Variants in EYS observed in about 807,000 individuals in gnomAD.
The protein encoded by EYS is EGF-like photoreceptor maintenance factor.
In EYS, 250 loss-of-function variants were observed where a neutral mutation model predicts 282.1. The ratio of observed to expected loss-of-function variants is 0.89; its 90% confidence interval spans 0.80 to 0.98. The LOEUF (loss-of-function observed/expected upper bound fraction) is 0.98, where lower values mean the gene tolerates loss of function less well. EYS is among the 50% of genes least tolerant of loss of function. The probability of loss-of-function intolerance (pLI) is 0.00; values close to 1 mark genes in which losing one functional copy is unlikely to be tolerated. For synonymous variants in EYS, 1,355 were observed against 1,282.9 expected (o/e 1.06, Z -1.20); for missense variants, 4,016 against 3,709.0 (o/e 1.08, Z -2.15).
intron 16 of EYS, 65 bp from the exon 17 acceptor site, chr6:64,902,565 A>C: frequency 3.2e-6 from 3 of 940,942 alleles, no homozygotes; most frequent in Non-Finnish European, 4.7e-6. Context: ...AATCAGAATC[A>C]GTGGTAGTCT....
chr6:65,588,864 A>G (rs1765141624), intron 2 of EYS, among the ~76,000 whole-genome samples: 1 of 150,852 alleles, frequency 6.6e-6, no homozygotes, highest in Non-Finnish European at 1.5e-5. Flanking sequence ...TGATATATTA[A>G]TAGGATATAT....
intron 24 of EYS, among the ~76,000 whole-genome samples, chr6:64,598,561 C>T (rs1204728241): frequency 1.3e-5 from 2 of 152,146 alleles, no homozygotes; most frequent in East Asian, 3.9e-4. Context: ...CTTTCTGAAT[C>T]TATGTTTGAG....
intron 31 of EYS, among the ~76,000 whole-genome samples, chr6:64,222,931 TAC>T (rs1766145773): frequency 6.6e-6 from 1 of 151,828 alleles, no homozygotes; most frequent in African/African-American, 2.4e-5. Context: ...TATCGGTACT[TAC>T]AGTTTTCCTT....
intron 2 of EYS, among the ~76,000 whole-genome samples, chr6:65,573,105 G>C (rs955730534): frequency 6.6e-6 from 1 of 152,078 alleles, no homozygotes; most frequent in South Asian, 2.1e-4. Context: ...CCTTGGGAGT[G>C]ATGTCACAAA....
chr6:64,356,608 G>T (rs1436825036), intron 29 of EYS, among the ~76,000 whole-genome samples: 1 of 151,594 alleles, frequency 6.6e-6, no homozygotes, highest in Non-Finnish European at 1.5e-5. Flanking sequence ...TCTTTTAACT[G>T]TCAGCCCTTT....
intron 24 of EYS, among the ~76,000 whole-genome samples, chr6:64,597,066 AT>A (rs547000291): frequency 6.6e-6 from 1 of 152,160 alleles, no homozygotes; most frequent in African/African-American, 2.4e-5. Context: ...ATGAATAGGC[AT>A]TTTTTTCAAA....
At chr6:64,323,368 T>C (rs182795773) in intron 29 of EYS, among the ~76,000 whole-genome samples, 174 of 152,296 alleles carry the variant, frequency 1.1e-3, no homozygotes, top group African/African-American at 4.1e-3. Flanking sequence ...CCCCTTTTAA[T>C]TGCCGAATAA....
chr6:64,128,233 T>C (rs940755086), intron 31 of EYS, among the ~76,000 whole-genome samples: 4 of 152,176 alleles, frequency 2.6e-5, no homozygotes, highest in African/African-American at 9.6e-5. Flanking sequence ...ATTGCATTTC[T>C]AAAAATAATA....
At chr6:64,313,472 CAGG>C (rs1769811428) in intron 29 of EYS, among the ~76,000 whole-genome samples, 1 of 151,982 alleles carries the variant, frequency 6.6e-6, no homozygotes, top group Non-Finnish European at 1.5e-5. Flanking sequence ...GGATATTATC[CAGG>C]AGAACTTCCC....
In EYS at chr6:65,461,073, T is replaced by A. The variant is rs187483889; in HGVS notation, c.862+29521A>T. The stretch of plus-strand genomic sequence containing the variant: ...ATTATGATTCTCTATTCAGAAATTG[T>A]ATTACTCAATTGATGTGATTGATTG... On this transcript the variant is annotated intron_variant, in intron 5 of 42. Transcript: ENST00000503581. 3.5e-3 allele frequency among the ~76,000 whole-genome samples: 531 copies of A among 152,234 alleles called. 2 individuals carry two copies. Among genetic ancestry groups the A allele is most frequent in the African/African-American group, 0.012 (500 of 41,554 alleles).
At chr6:64,416,372 T>A (rs913977306) in intron 28 of EYS, among the ~76,000 whole-genome samples, 2 of 152,202 alleles carry the variant, frequency 1.3e-5, no homozygotes, top group African/African-American at 4.8e-5. Flanking sequence ...TTTTCTAGTC[T>A]CATCTATGGC....
chr6:63,889,832 G>A (rs1773362238), intron 35 of EYS, among the ~76,000 whole-genome samples: 1 of 152,084 alleles, frequency 6.6e-6, no homozygotes, highest in South Asian at 2.1e-4. Context: ...CTTGCAAATT[G>A]GATTAAGAGT....
intron 37 of EYS, among the ~76,000 whole-genome samples, chr6:63,798,979 ATATGTGTG>A (rs1225534464): frequency 4.3e-4 from 39 of 91,496 alleles, no homozygotes; most frequent in South Asian, 1.7e-3. Flanking sequence ...ATATATATGT[ATATGTGTG>A]TATATATATA....
intron 12 of EYS, among the ~76,000 whole-genome samples, chr6:65,096,775 T>C (rs1359360379): frequency 1.3e-5 from 2 of 151,006 alleles, no homozygotes; most frequent in Non-Finnish European, 3.0e-5. Context: ...ACAAATGCTA[T>C]TGAGAAACTG....
chr6:64,887,265 C>T (rs1010749156), intron 18 of EYS, among the ~76,000 whole-genome samples: 5 of 126,480 alleles, frequency 4.0e-5, no homozygotes, highest in African/African-American at 1.6e-4. Flanking sequence ...GAACATCACA[C>T]ACCGGGGACT....
rs572562049 is a variant in EYS, at chr6:65,568,837, C to T, written c.-333+70941G>A. ...GAGACAAATGTACGTATAAAAAACA[C>T]TGATGAAACCACATTTGCAAAAATG... is the stretch of plus-strand genomic sequence containing the variant. On this transcript the variant is annotated intron_variant, in intron 2 of 42. Transcript: ENST00000503581. 1.8e-4 allele frequency among the ~76,000 whole-genome samples: 28 copies of T among 152,298 alleles called. 1 individual carries two copies. Among genetic ancestry groups the T allele is most frequent in the African/African-American group, 6.3e-4 (26 of 41,560 alleles).
chr6:65,526,667 G>T (rs1929327), intron 2 of EYS, among the ~76,000 whole-genome samples: 59,528 of 151,906 alleles, frequency 0.39, 12,600 homozygotes, highest in African/African-American at 0.56. Flanking sequence ...TTACCTGGGC[G>T]TGGTGTCGGG....
At chr6:65,214,495 G>A (rs1350972715) in intron 12 of EYS, among the ~76,000 whole-genome samples, 1 of 152,202 alleles carries the variant, frequency 6.6e-6, no homozygotes, top group Non-Finnish European at 1.5e-5. Context: ...GAAGGTAGCA[G>A]AAGTTGGATC....
chr6:63,746,804 G>T (rs886851393), intron 41 of EYS, among the ~76,000 whole-genome samples: 3 of 152,026 alleles, frequency 2.0e-5, no homozygotes, highest in Non-Finnish European at 4.4e-5. Context: ...GTGTCTATTT[G>T]ATTCTTCTCT....
Sources: gnomAD v4.1 joint callset for allele counts (sites outside exome capture counted in the v4.1 genomes callset) on GRCh38, gnomAD v4.1.1 for gene constraint, MANE v1.5 for transcripts, NCBI Gene and HGNC (gene_info 2026-07-23, HGNC 2026-07-21) for gene names.